The following RAPH1 variants were observed in gnomAD, a reference collection of about 807,000 sequenced individuals.
The protein encoded by RAPH1 is ras-associated and pleckstrin homology domains-containing protein 1.
A neutral mutation model predicts 88.1 loss-of-function variants in RAPH1; 18 were observed. The ratio of observed to expected loss-of-function variants is 0.20; its 90% CI spans 0.14 to 0.30. RAPH1 has a LOEUF of 0.30. Among genes scored for constraint, RAPH1 ranks in the 10% least tolerant of loss-of-function variants. The pLI, the probability that RAPH1 is intolerant of heterozygous loss-of-function variation, is 1.00. For synonymous variants in RAPH1, 587 were observed against 559.0 expected, an observed-to-expected ratio of 1.05 and a Z score of -0.71; for missense variants, 1,448 against 1,543.2, an observed-to-expected ratio of 0.94 and a Z score of 1.03.
intron 13 of RAPH1, 39 bp downstream of exon 13, chr2:203,444,829 C>A (rs1400910600): frequency 5.0e-6 from 8 of 1,599,052 alleles, no homozygotes; most frequent in Non-Finnish European, 3.4e-6. Flanking sequence ...CAAAAGAATA[C>A]CACAGAATTT....
chr2:203,516,236 C>T (rs1485197975), intron 1 of RAPH1, among the ~76,000 whole-genome samples: 5 of 151,202 alleles, frequency 3.3e-5, no homozygotes, highest in East Asian at 3.9e-4. Context: ...CTTGGGTGAC[C>T]GCTAAAAAAA....
chr2:203,527,297 T>C (rs959467770), intron 1 of RAPH1, among the ~76,000 whole-genome samples: 2 of 152,156 alleles, frequency 1.3e-5, no homozygotes, highest in African/African-American at 4.8e-5. Flanking sequence ...CGTGGCCACC[T>C]GTCAGAGAAT....
chr2:203,450,981 C>CT (rs909160716), intron 10 of RAPH1, among the ~76,000 whole-genome samples: 2 of 151,878 alleles, frequency 1.3e-5, no homozygotes, highest in African/African-American at 4.8e-5. Flanking sequence ...TCTCTCTAAC[C>CT]TGGGAATACA....
chr2:203,511,085 C>T (rs1689321857), intron 1 of RAPH1, among the ~76,000 whole-genome samples: 1 of 152,050 alleles, frequency 6.6e-6, no homozygotes, highest in Admixed American at 6.6e-5. Context: ...TACTGGTGCA[C>T]TTGCCTTATC....
intron 3 of RAPH1, among the ~76,000 whole-genome samples, chr2:203,490,418 C>T (rs1688207232): frequency 6.6e-6 from 1 of 152,100 alleles, no homozygotes; most frequent in African/African-American, 2.4e-5. Context: ...ATGATCAATG[C>T]TTTGGTAGAG....
intron 4 of RAPH1, among the ~76,000 whole-genome samples, chr2:203,483,557 A>T (rs1687822473): frequency 6.6e-6 from 1 of 152,190 alleles, no homozygotes; most frequent in Admixed American, 6.5e-5. Context: ...AAATTTGAGC[A>T]ATCTATTTAT....
chr2:203,452,272 T>C (rs1361877584), intron 10 of RAPH1, among the ~76,000 whole-genome samples: 3 of 152,202 alleles, frequency 2.0e-5, no homozygotes, highest in African/African-American at 7.2e-5. Context: ...TAAAAGACAC[T>C]TGAAAAACAG....
At chr2:203,518,616 C>T (rs59444083) in intron 1 of RAPH1, among the ~76,000 whole-genome samples, 5,473 of 151,992 alleles carry the variant, frequency 0.036, 325 homozygotes, top group African/African-American at 0.12. Flanking sequence ...AGAGGCCAAG[C>T]GGGAGGATTG....
chr2:203,440,114 T>TG lies in RAPH1; in HGVS notation c.3075dup (p.Lys1026GlnfsTer47). 1.2e-6 allele frequency: 2 copies of TG among 1,613,178 alleles called. No homozygotes were observed. Among genetic ancestry groups the TG allele is most frequent in the Non-Finnish European group, 1.7e-6 (2 of 1,179,888 alleles). ...CCAGAAAGATTGAGTTTTCCAGGCTTGGGGGGTGCTGCAGGAGGTGGTAGG... is the reference window on the plus strand; with the variant it reads ...CCAGAAAGATTGAGTTTTCCAGGCTTGGGGGGGTGCTGCAGGAGGTGGTAGG... On this transcript the variant is annotated frameshift_variant, in exon 14 of 14. Coordinates refer to ENST00000319170, the MANE Select transcript of RAPH1 (RefSeq NM_213589.3). LOFTEE classifies it high-confidence loss of function.
At chr2:203,502,272 C>T (rs374362233) in intron 1 of RAPH1, among the ~76,000 whole-genome samples, 2 of 152,122 alleles carry the variant, frequency 1.3e-5, no homozygotes, top group Admixed American at 6.5e-5. Flanking sequence ...GGGCCAGTCA[C>T]GGTAAATTCT....
chr2:203,470,209 A>G lies in RAPH1; in HGVS notation c.733-8284T>C, dbSNP rs1044980821. On this transcript the variant is annotated intron_variant, in intron 4 of 13. Coordinates refer to ENST00000319170, the MANE Select transcript of RAPH1 (RefSeq NM_213589.3). The stretch of plus-strand genomic sequence containing the variant: ...TCATATTCTACCTACAAGGCAGTAA[A>G]TAGTTACATGCATGTGGAAGAAGTA... The G allele has an allele frequency of 2.7e-6, 4 of 1,474,706 alleles. No individual in the cohort carries two copies. In the Admixed American group the frequency reaches 5.5e-5, roughly 20 times the overall value. 91.4% of individuals were successfully genotyped at this position (1,474,706 alleles called of 1,614,324 possible). A position where few individuals can be genotyped will look rare whatever the true frequency, so the allele number is the denominator to read the frequency against.
intron 1 of RAPH1, among the ~76,000 whole-genome samples, chr2:203,518,123 T>C (rs1689699684): frequency 6.6e-6 from 1 of 151,946 alleles, no homozygotes; most frequent in Non-Finnish European, 1.5e-5. Flanking sequence ...AGCTTCTAGG[T>C]AGCTTAACTA....
intron 1 of RAPH1, among the ~76,000 whole-genome samples, chr2:203,532,063 T>C (rs1486498208): frequency 1.3e-5 from 2 of 152,222 alleles, no homozygotes; most frequent in African/African-American, 4.8e-5. Context: ...GGAATTATGA[T>C]ACATCCTACA....
Position 203,434,169 on chromosome 2 carries a change from T to C in RAPH1, c.*5268A>G, listed in dbSNP as rs1466531026. ...AATAGCAACAAAGCTGCGAGAAAAA[T>C]TGTAACTTCATCTTCACTGAGCTGT... On this transcript the variant is annotated 3_prime_UTR_variant, in exon 14 of 14. Transcript: ENST00000319170. 2 of 152,314 alleles carry C rather than the reference T, an allele frequency of 1.3e-5. No homozygotes were observed. The highest frequency in any genetic ancestry group is 4.1e-4 in the South Asian group (2 of 4,824). 9.4% of individuals were successfully genotyped at this position (152,314 alleles called of 1,614,324 possible).
Position 203,441,099 on chromosome 2 carries a change from C to T in RAPH1, c.2091G>A (p.Val697=). 1 of 1,607,070 alleles carries T rather than the reference C, an allele frequency of 6.2e-7. No homozygotes were observed. Among genetic ancestry groups the T allele is most frequent in the Non-Finnish European group, 8.5e-7 (1 of 1,176,232 alleles). Residue 697 remains valine, a synonymous_variant, in exon 14 of 14, where the codon GTG becomes GTA. Transcript: ENST00000319170. ...TGGGGGGTACCAGGATCTGAGGCTT[C>T]ACTGACTGTGACTGCATCACTGGGG... The part of the protein sequence containing the change: ...PTPPVMQSQS[V]KPQILVPPNG...
intron 1 of RAPH1, among the ~76,000 whole-genome samples, chr2:203,530,219 T>A (rs1178570821): frequency 6.6e-6 from 1 of 152,196 alleles, no homozygotes; most frequent in East Asian, 1.9e-4. Context: ...GTCTGGAGTT[T>A]TAAAAACTAT....
chr2:203,445,072 T>G (rs2098508286), intron 12 of RAPH1, 62 bp from the exon 13 acceptor site: 5 of 1,470,996 alleles, frequency 3.4e-6, no homozygotes, highest in Non-Finnish European at 4.7e-6. Flanking sequence ...AATATTCATA[T>G]GTATGTCTAG....
chr2:203,508,338 G>C (rs1689186095), intron 1 of RAPH1, among the ~76,000 whole-genome samples: 2 of 151,808 alleles, frequency 1.3e-5, no homozygotes, highest in South Asian at 4.2e-4. Flanking sequence ...TCTCCATGTT[G>C]GTCAGGCTGG....
At chr2:203,492,539 T>C (rs553634189) in intron 2 of RAPH1, among the ~76,000 whole-genome samples, 5 of 152,334 alleles carry the variant, frequency 3.3e-5, no homozygotes, top group African/African-American at 1.2e-4. Context: ...GTAGGGTGAC[T>C]TGTAAGTTAC....
Sources: allele counts gnomAD v4.1 joint callset (sites outside exome capture counted in the v4.1 genomes callset), GRCh38; gene constraint gnomAD v4.1.1; transcripts MANE v1.5; gene names NCBI Gene and HGNC (gene_info 2026-07-23, HGNC 2026-07-21).